Variants in GALNTL6 observed in about 807,000 individuals in gnomAD.
GALNTL6 encodes the protein polypeptide N-acetylgalactosaminyltransferase-like 6.
GALNTL6 carries 46 observed loss-of-function variants against 73.7 expected under a neutral mutation model. The observed-to-expected ratio is 0.62, with a 90% CI of 0.49 to 0.80. GALNTL6 has a LOEUF of 0.80. GALNTL6 is among the 30% of genes least tolerant of loss of function. The probability of loss-of-function intolerance (pLI) is 0.00; values close to 1 mark genes in which losing one functional copy is unlikely to be tolerated. For synonymous variants in GALNTL6, 259 were observed against 263.7 expected (o/e 0.98, Z 0.17); for missense variants, 604 against 755.0 (o/e 0.80, Z 2.34).
At chr4:172,449,255 C>A (rs1732128984) in intron 5 of GALNTL6, among the ~76,000 whole-genome samples, 1 of 152,172 alleles carries the variant, frequency 6.6e-6, no homozygotes, top group South Asian at 2.1e-4. Flanking sequence ...CCAGGTCATT[C>A]CGTCCATGTA....
intron 12 of GALNTL6, among the ~76,000 whole-genome samples, chr4:173,036,578 T>C (rs1212587984): frequency 6.6e-6 from 1 of 152,170 alleles, no homozygotes; most frequent in Non-Finnish European, 1.5e-5. Context: ...TTTCTAATTT[T>C]CTCAGGCAAA....
At chr4:172,884,301 A>G (rs1745605834) in intron 8 of GALNTL6, among the ~76,000 whole-genome samples, 2 of 152,090 alleles carry the variant, frequency 1.3e-5, no homozygotes, top group Non-Finnish European at 2.9e-5. Context: ...TGTCTTTGAG[A>G]TAATAGCCAG....
rs149803344 is a variant in GALNTL6, at chr4:172,754,883, C to T, written c.554-54478C>T. ...AGAAAATGAAAACAGATCAAAGCTC[C>T]TTAATGAAGGAAAGGGGAGGGACTG... On this transcript the variant is annotated intron_variant, in intron 5 of 12. Transcript: ENST00000506823. Among the ~76,000 whole-genome samples the T allele has an allele frequency of 1.3e-3, 193 of 151,592 alleles. 1 individual carries two copies. Among genetic ancestry groups the T allele is most frequent in the African/African-American group, 4.4e-3 (184 of 41,366 alleles).
chr4:172,803,185 C>T (rs543225786), intron 5 of GALNTL6, among the ~76,000 whole-genome samples: 1 of 152,306 alleles, frequency 6.6e-6, no homozygotes, highest in East Asian at 1.9e-4. Flanking sequence ...ATACCTAAAG[C>T]TGGGGTCCCC....
intron 2 of GALNTL6, among the ~76,000 whole-genome samples, chr4:172,103,596 C>A (rs1037260281): frequency 1.3e-5 from 2 of 152,176 alleles, no homozygotes; most frequent in Non-Finnish European, 2.9e-5. Flanking sequence ...CTTTTCCCTG[C>A]AGTCTGCTAG....
At chr4:173,039,742 C>A (rs1753830418) in intron 12 of GALNTL6, among the ~76,000 whole-genome samples, 191 bp from the exon 13 acceptor site, 1 of 152,120 alleles carries the variant, frequency 6.6e-6, no homozygotes, top group South Asian at 2.1e-4. Flanking sequence ...CTACATAGTG[C>A]CAATACAGCC....
In GALNTL6 at chr4:171,971,021, AAAAC is replaced by A. The variant is rs1739553693; in HGVS notation, c.138+156305_138+156308del. 3.3e-5 allele frequency among the ~76,000 whole-genome samples: 5 copies of A among 152,208 alleles called. No individual in the cohort carries two copies. The South Asian group carries it at 8.3e-4, about 25-fold the overall frequency. On this transcript the variant is annotated intron_variant, in intron 2 of 12. Coordinates refer to ENST00000506823, the MANE Select transcript of GALNTL6 (RefSeq NM_001034845.3). ...TAGTAGCAGGGTTGAACTGAGGGCC[AAAAC>A]ATTGAAATAAGCTCCTGCATGGAGG...
chr4:172,096,906 C>T (rs377452855), intron 2 of GALNTL6, among the ~76,000 whole-genome samples: 18 of 152,184 alleles, frequency 1.2e-4, no homozygotes, highest in African/African-American at 3.9e-4. Flanking sequence ...TAGGCTAGGA[C>T]CTCTCTCACT....
At chr4:172,995,682 C>T (rs1046370601) in intron 10 of GALNTL6, among the ~76,000 whole-genome samples, 4 of 152,192 alleles carry the variant, frequency 2.6e-5, no homozygotes, top group African/African-American at 9.7e-5. Flanking sequence ...ATTTACTTAT[C>T]TGAGTTTTGT....
chr4:172,215,651 T>A (rs1736471526), intron 2 of GALNTL6, among the ~76,000 whole-genome samples: 1 of 152,130 alleles, frequency 6.6e-6, no homozygotes, highest in Admixed American at 6.6e-5. Flanking sequence ...TTGAGAATTA[T>A]GTTTTTATAT....
chr4:172,534,575 A>AT (rs930090221), intron 5 of GALNTL6, among the ~76,000 whole-genome samples: 1 of 135,634 alleles, frequency 7.4e-6, no homozygotes, highest in African/African-American at 2.8e-5. Context: ...CCTAAATGAG[A>AT]AATTTTTTTT....
intron 5 of GALNTL6, among the ~76,000 whole-genome samples, chr4:172,682,008 T>G (rs1732655572): frequency 6.6e-6 from 1 of 152,326 alleles, no homozygotes. Flanking sequence ...GGACAAATCA[T>G]TTGATTTCAC....
intron 2 of GALNTL6, among the ~76,000 whole-genome samples, chr4:171,881,087 C>A (rs560401445): frequency 6.6e-6 from 1 of 152,034 alleles, no homozygotes; most frequent in African/African-American, 2.4e-5. Context: ...CAATCTCTAT[C>A]CCTTTTCAGT....
chr4:171,854,904 T>C (rs1735642528), intron 2 of GALNTL6, among the ~76,000 whole-genome samples: 1 of 152,230 alleles, frequency 6.6e-6, no homozygotes. Flanking sequence ...TTTCCATCCA[T>C]AGCAGATGTC....
intron 2 of GALNTL6, among the ~76,000 whole-genome samples, chr4:172,161,405 A>T (rs1734462812): frequency 6.6e-6 from 1 of 152,056 alleles, no homozygotes; most frequent in South Asian, 2.1e-4. Context: ...TGGAAAAATA[A>T]TACAGAAGAA....
chr4:172,817,892 T>A (rs1285879957), intron 7 of GALNTL6, among the ~76,000 whole-genome samples: 1 of 152,200 alleles, frequency 6.6e-6, no homozygotes, highest in East Asian at 1.9e-4. Context: ...GCCTTCCTGA[T>A]CCCAAATTGT....
rs543391108 is a variant in GALNTL6, at chr4:172,664,482, C to T, written c.554-144879C>T. On this transcript the variant is annotated intron_variant, in intron 5 of 12. Coordinates refer to ENST00000506823, the MANE Select transcript of GALNTL6 (RefSeq NM_001034845.3). ...GCTTTATAACACCCAAATCTCTTGT[C>T]TCTTTTCCTCTGGACATAACTAAGG... Among the ~76,000 whole-genome samples the T allele has an allele frequency of 1.4e-3, 214 of 152,318 alleles. 1 individual carries two copies. The highest frequency in any genetic ancestry group is 4.9e-3 in the African/African-American group (205 of 41,562).
At chr4:172,217,049 G>T (rs898620731) in intron 2 of GALNTL6, among the ~76,000 whole-genome samples, 1 of 152,160 alleles carries the variant, frequency 6.6e-6, no homozygotes, top group African/African-American at 2.4e-5. Flanking sequence ...AGATTGCTGA[G>T]ACCAGGAGGC....
intron 2 of GALNTL6, among the ~76,000 whole-genome samples, chr4:172,158,574 G>A (rs1280950175): frequency 6.6e-6 from 1 of 151,926 alleles, no homozygotes; most frequent in Non-Finnish European, 1.5e-5. Flanking sequence ...ATTTTTAATT[G>A]ACAGTCACTG....
Sources: gnomAD v4.1 joint callset for allele counts (sites outside exome capture counted in the v4.1 genomes callset) on GRCh38, gnomAD v4.1.1 for gene constraint, MANE v1.5 for transcripts, NCBI Gene and HGNC (gene_info 2026-07-23, HGNC 2026-07-21) for gene names.